GFRAL: variants seen among roughly 807,000 people sequenced by gnomAD.
The protein encoded by GFRAL is GDNF family receptor alpha-like.
In GFRAL, 36 loss-of-function variants were observed where a neutral mutation model predicts 45.4. That is an observed-to-expected ratio of 0.79 (90% CI 0.61 to 1.05). GFRAL has a LOEUF of 1.05. GFRAL is among the 50% of genes least tolerant of loss of function. The pLI is 0.00. For missense variants in GFRAL, 507 were observed against 467.5 expected (o/e 1.08, Z -0.78); for synonymous variants, 166 against 154.1 (o/e 1.08, Z -0.57).
chr6:55,330,869 T>A (rs1425486575), intron 1 of GFRAL, among the ~76,000 whole-genome samples: 1 of 152,134 alleles, frequency 6.6e-6, no homozygotes, highest in Non-Finnish European at 1.5e-5. Flanking sequence ...AAAGTGAAAG[T>A]CAATAAATTT....
chr6:55,334,573 T>C (rs1226774671), intron 3 of GFRAL, among the ~76,000 whole-genome samples: 1 of 152,200 alleles, frequency 6.6e-6, no homozygotes, highest in African/African-American at 2.4e-5. Flanking sequence ...CTCCGAAAAG[T>C]AATCAGCAGA....
At chr6:55,363,193 T>C (rs1262374215) in intron 6 of GFRAL, among the ~76,000 whole-genome samples, 2 of 152,014 alleles carry the variant, frequency 1.3e-5, no homozygotes, top group Admixed American at 1.3e-4. Flanking sequence ...ATAATCCCAT[T>C]CTCAAGAGAG....
In GFRAL at chr6:55,379,586, CACACACACACAA is replaced by C. The variant is rs1350093311; in HGVS notation, c.953-19591_953-19580del. ...TGATGTTTTGAAATACACACACACA[CACACACACACAA>C]ACTGTGGAATGGTTAAATCTAGCTA... On this transcript the variant is annotated intron_variant, in intron 6 of 8. Coordinates refer to ENST00000340465, the MANE Select transcript of GFRAL (RefSeq NM_207410.2). Among the ~76,000 whole-genome samples, 114 of 116,864 alleles carry C rather than the reference CACACACACACAA, an allele frequency of 9.8e-4. 2 individuals are homozygous for C. The highest frequency in any genetic ancestry group is 3.2e-3 in the African/African-American group (109 of 33,786). The allele number at this position is 116,864 out of a possible 152,430, so 76.7% of individuals were successfully genotyped here. A position where few individuals can be genotyped will look rare whatever the true frequency, so the allele number is the denominator to read the frequency against.
chr6:55,380,769 G>T (rs1386608597), intron 6 of GFRAL, among the ~76,000 whole-genome samples: 1 of 151,966 alleles, frequency 6.6e-6, no homozygotes, highest in Non-Finnish European at 1.5e-5. Flanking sequence ...AGTAGTGAAT[G>T]AATGAATGAG....
chr6:55,333,429 G>A (rs1478355165), intron 2 of GFRAL, among the ~76,000 whole-genome samples: 1 of 152,050 alleles, frequency 6.6e-6, no homozygotes, highest in African/African-American at 2.4e-5. Flanking sequence ...ATCAGATTAT[G>A]ACAAAATAGC....
At chr6:55,399,671 C>T (rs1481054333) in intron 8 of GFRAL, among the ~76,000 whole-genome samples, 1 of 152,090 alleles carries the variant, frequency 6.6e-6, no homozygotes, top group Non-Finnish European at 1.5e-5. Context: ...TTCATAAGCA[C>T]ATATGCATTG....
chr6:55,378,982 C>A (rs1324841566), intron 6 of GFRAL, among the ~76,000 whole-genome samples: 1 of 151,952 alleles, frequency 6.6e-6, no homozygotes. Context: ...AAGGAGTATT[C>A]TACTGCAGAT....
At chr6:55,328,008 T>C (rs1338764353) in intron 1 of GFRAL, among the ~76,000 whole-genome samples, 1 of 151,992 alleles carries the variant, frequency 6.6e-6, no homozygotes, top group Non-Finnish European at 1.5e-5. Context: ...AAAATAAGAT[T>C]AATTTAAAAC....
chr6:55,332,202 G>GA (rs1291191020), intron 2 of GFRAL, among the ~76,000 whole-genome samples: 1 of 151,888 alleles, frequency 6.6e-6, no homozygotes, highest in African/African-American at 2.4e-5. Flanking sequence ...TGATAAAATA[G>GA]AAAAAATAAG....
rs544409052 is a variant in GFRAL at position 55,330,837 on chromosome 6, CTAA to C, written c.23-874_23-872del. Reference sequence around the variant, plus strand: ...AAGATTCAAACTGGAGGCAGACTGACTAATAAGTTAAACAAATGCTCAAAGTGA... The same window carrying C: ...AAGATTCAAACTGGAGGCAGACTGACTAAGTTAAACAAATGCTCAAAGTGA... On this transcript the variant is annotated intron_variant, in intron 1 of 8. Transcript: ENST00000340465. Among the ~76,000 whole-genome samples the C allele has an allele frequency of 3.3e-3, 500 of 152,190 alleles. 1 individual carries two copies. Among genetic ancestry groups the C allele is most frequent in the Non-Finnish European group, 5.6e-3 (381 of 68,002 alleles).
At chr6:55,365,113 C>A (rs892131664) in intron 6 of GFRAL, among the ~76,000 whole-genome samples, 3 of 151,332 alleles carry the variant, frequency 2.0e-5, no homozygotes, top group African/African-American at 4.9e-5. Flanking sequence ...CTTTTATTTC[C>A]TTGAGGAGTG....
At chr6:55,369,213 C>G (rs956440643) in intron 6 of GFRAL, among the ~76,000 whole-genome samples, 2 of 152,030 alleles carry the variant, frequency 1.3e-5, no homozygotes, top group South Asian at 2.1e-4. Context: ...TTCCAGGTGC[C>G]GTCCGTCACC....
chr6:55,331,756 A>AAT lies in GFRAL; in HGVS notation c.66_67dup (p.Asn23IlefsTer6), dbSNP rs767615775. The stretch of plus-strand genomic sequence containing the variant: ...GGAAAATGAATACACTTCCCAAACC[A>AAT]ATAATTGCACATATTTAAGAGAGCA... On this transcript the variant is annotated frameshift_variant, in exon 2 of 9. Transcript: ENST00000340465. LOFTEE classifies it high-confidence loss of function. 5 of 1,611,698 alleles carry AAT rather than the reference A, an allele frequency of 3.1e-6. No homozygotes were observed. Among genetic ancestry groups the AAT allele is most frequent in the Non-Finnish European group, 3.4e-6 (4 of 1,178,990 alleles).
intron 3 of GFRAL, among the ~76,000 whole-genome samples, chr6:55,335,219 A>G (rs1034807987): frequency 2.0e-5 from 3 of 152,188 alleles, no homozygotes; most frequent in East Asian, 3.9e-4. Context: ...GCACTTAATT[A>G]TAATGTTAAG....
intron 6 of GFRAL, among the ~76,000 whole-genome samples, chr6:55,380,023 A>G (rs1768587694): frequency 6.6e-6 from 1 of 151,920 alleles, no homozygotes. Flanking sequence ...TTGTGTATGT[A>G]TATCACATTT....
chr6:55,330,921 T>C (rs1311997137), intron 1 of GFRAL, among the ~76,000 whole-genome samples: 1 of 152,078 alleles, frequency 6.6e-6, no homozygotes, highest in Non-Finnish European at 1.5e-5. Context: ...GGATGGAAAA[T>C]AGTCTACCAC....
chr6:55,371,069 C>T lies in GFRAL; in HGVS notation c.952+11931C>T, dbSNP rs873866. Among the ~76,000 whole-genome samples, 893 of 152,276 alleles carry T rather than the reference C, an allele frequency of 5.9e-3. 25 individuals carry two copies. Among genetic ancestry groups the T allele is most frequent in the Admixed American group, 0.05 (769 of 15,288 alleles). On this transcript the variant is annotated intron_variant, in intron 6 of 8. Coordinates refer to ENST00000340465, the MANE Select transcript of GFRAL (RefSeq NM_207410.2). ...TTCTAAAAAGTGATATTGAGCCTTC[C>T]AATCCACAGATATATATTTTTTTCT...
chr6:55,341,518 T>A (rs1348972723), intron 3 of GFRAL, among the ~76,000 whole-genome samples: 1 of 152,036 alleles, frequency 6.6e-6, no homozygotes, highest in Non-Finnish European at 1.5e-5. Context: ...CAAAACCCCA[T>A]CTATACATCA....
chr6:55,375,927 T>C (rs995725665), intron 6 of GFRAL, among the ~76,000 whole-genome samples: 46 of 152,158 alleles, frequency 3.0e-4, no homozygotes, highest in African/African-American at 1.1e-3. Flanking sequence ...GGCATCCTTA[T>C]CTTGTGCTGG....
Sources: gnomAD v4.1 joint callset for allele counts (sites outside exome capture counted in the v4.1 genomes callset) on GRCh38, gnomAD v4.1.1 for gene constraint, MANE v1.5 for transcripts, NCBI Gene and HGNC (gene_info 2026-07-23, HGNC 2026-07-21) for gene names.